Variants in GMIP observed in about 807,000 individuals in gnomAD.
GMIP encodes the protein GEM interacting protein.
GMIP carries 54 observed loss-of-function variants against 105.3 expected under a neutral mutation model. The observed-to-expected ratio is 0.51, with a 90% CI of 0.41 to 0.64. The LOEUF is 0.64. Among genes scored for constraint, GMIP ranks in the 30% least tolerant of loss-of-function variants. The pLI is 0.00. For synonymous variants in GMIP, 541 were observed against 560.8 expected, an observed-to-expected ratio of 0.96 and a Z score of 0.50; for missense variants, 1,110 against 1,319.4, an observed-to-expected ratio of 0.84 and a Z score of 2.46.
In GMIP at chr19:19,638,001, C is replaced by G. The variant is rs2061874057; in HGVS notation, c.846G>C (p.Gln282His). 10 of 1,610,214 alleles carry G rather than the reference C, an allele frequency of 6.2e-6. No individual in the cohort carries two copies. The highest frequency in any genetic ancestry group is 8.5e-6 in the Non-Finnish European group (10 of 1,178,912). The change falls in exon 10 of 21, where the codon CAG (glutamine) becomes CAC (histidine). Residue 282 changes from glutamine to histidine, a missense_variant. By Grantham distance (24) the Gln-to-His change is conservative. Coordinates refer to ENST00000203556, the MANE Select transcript of GMIP (RefSeq NM_016573.4). ...QACVREANAR[Q>H]QDLEIAKQRI... ...GCTGCTTGGCGATCTCCAGGTCCTG[C>G]TGCCGCGCGTTGGCCTCGCGGACAC...
chr19:19,632,107 A>G (rs1279129392), intron 19 of GMIP, among the ~76,000 whole-genome samples: 2 of 150,882 alleles, frequency 1.3e-5, no homozygotes, highest in African/African-American at 2.4e-5. Context: ...CCTGACCAAC[A>G]TGGAGAAACC....
intron 3 of GMIP, 49 bp from the exon 4 acceptor site, chr19:19,641,916 G>A: frequency 1.9e-6 from 3 of 1,595,402 alleles, no homozygotes; most frequent in Non-Finnish European, 2.6e-6. Context: ...CAGGGGCCTG[G>A]CCTTCCTAAG....
rs541415244 is a variant in GMIP at position 19,631,822 on chromosome 19, C to T, written c.2473-1285G>A. 2.6e-5 allele frequency among the ~76,000 whole-genome samples: 4 copies of T among 151,438 alleles called. No homozygotes were observed. In the East Asian group the frequency reaches 5.8e-4, roughly 22 times the overall value. ...CTAACACGGTGAAACCCCGTCTCTA[C>T]TAAAAATACAAAAAAATTAGCCGGG... On this transcript the variant is annotated intron_variant, in intron 19 of 20. Coordinates refer to ENST00000203556, the MANE Select transcript of GMIP (RefSeq NM_016573.4).
chr19:19,630,234 GT>G lies in GMIP; in HGVS notation c.2641del (p.Thr881ProfsTer148). 6.3e-7 allele frequency: 1 copy of G among 1,586,458 alleles called. No homozygotes were observed. Among genetic ancestry groups the G allele is most frequent in the South Asian group, 1.1e-5 (1 of 88,132 alleles). On this transcript the variant is annotated frameshift_variant, in exon 21 of 21. Coordinates refer to ENST00000203556, the MANE Select transcript of GMIP (RefSeq NM_016573.4). LOFTEE classifies it high-confidence loss of function. This position sits in a 1 kb window ranked among gnomAD's most constrained non-coding sequence, Gnocchi z 4.8. ...KYPRGGVRPV[T>X]HQLSSLALVA... ...CAGGGCCAGACTGGACAGCTGGTGG[GT>G]TACAGGCCTCACACCGCCCCGGGGA...
At position 19,636,774 on chromosome 19, in the gene GMIP, G is replaced by T. The variant is rs755430246; in HGVS notation, c.1260C>A (p.Gly420=). The T allele has an allele frequency of 3.1e-6, 5 of 1,612,610 alleles. No individual in the cohort carries two copies. In the African/African-American group the frequency reaches 6.7e-5, roughly 22 times the overall value. ...CGCCACCCACGCTGTCCACATCGCT[G>T]CCCGGAGTGGGGCCTGGAGTCCCTA... ...RWQGTPGPTP[G]SDVDSVGGGS... Residue 420 remains glycine, a synonymous_variant, in exon 13 of 21, where the codon GGC becomes GGA. Coordinates refer to ENST00000203556, the MANE Select transcript of GMIP (RefSeq NM_016573.4).
At position 19,630,404 on chromosome 19, in the gene GMIP, C is replaced by G; in HGVS notation, c.2539+67G>C. On this transcript the variant is annotated intron_variant, in intron 20 of 20. Coordinates refer to ENST00000203556, the MANE Select transcript of GMIP (RefSeq NM_016573.4). This position sits in a 1 kb window ranked among gnomAD's most constrained non-coding sequence, Gnocchi z 4.8. ...CTCTGTATATCCCCCCAGGAGTCATCTTTTAGCAAGCCACCCTGGGGCCAG... is the reference window on the plus strand; with the variant it reads ...CTCTGTATATCCCCCCAGGAGTCATGTTTTAGCAAGCCACCCTGGGGCCAG... 1 of 1,593,830 alleles carries G rather than the reference C, an allele frequency of 6.3e-7. No homozygotes were observed. Among genetic ancestry groups the G allele is most frequent in the Non-Finnish European group, 8.5e-7 (1 of 1,170,366 alleles).
Position 19,635,027 on chromosome 19 carries a change from G to A in GMIP, c.1747C>T (p.Gln583Ter). The A allele has an allele frequency of 6.2e-7, 1 of 1,613,742 alleles. No homozygotes were observed. Among genetic ancestry groups the A allele is most frequent in the Non-Finnish European group, 8.5e-7 (1 of 1,179,806 alleles). Residue 583 changes from glutamine (Q) to a stop codon, truncating the protein, a stop_gained and splice_region_variant, in exon 16 of 21, where the codon CAG becomes TAG. Coordinates refer to ENST00000203556, the MANE Select transcript of GMIP (RefSeq NM_016573.4). LOFTEE classifies it high-confidence loss of function. The surrounding 1 kb of genome is among the most constrained non-coding windows in gnomAD (Gnocchi z 4.7). ...AEIEHRALDVQGIYRVSGSRV... is the reference protein window; with the variant it reads ...AEIEHRALDV ...ATGATGAAGGGTCAGGGCAGCACCT[G>A]CACATCCAGGGCACGGTGTTCTATC...
At position 19,634,844 on chromosome 19, in the gene GMIP, G is replaced by A. The variant is rs779418964; in HGVS notation, c.1835C>T (p.Ser612Leu). ...FENGRALVEL[S>L]GNSPHDVSSV... ...CGAGACGTCATGAGGCGAGTTCCCC[G>A]ACAGCTCCACCAACGCTCGGCCATT... The change falls in exon 17 of 21, where the codon TCG becomes TTG. Residue 612 changes from serine to leucine, a missense_variant. Physicochemically the swap from Ser to Leu is moderately radical, Grantham distance 145 (BLOSUM62 -2). This residue lies in a region of GMIP where 49 missense variants were observed against 95.6 expected (regional missense o/e 0.51). Transcript: ENST00000203556. This position sits in a 1 kb window ranked among gnomAD's most constrained non-coding sequence, Gnocchi z 6.1. 8 of 1,613,814 alleles carry A rather than the reference G, an allele frequency of 5.0e-6. No individual in the cohort carries two copies. The highest frequency in any genetic ancestry group is 2.2e-5 in the East Asian group (1 of 44,892).
In GMIP at chr19:19,642,526, C is replaced by T; in HGVS notation, c.104+9G>A. 1 of 1,582,246 alleles carries T rather than the reference C, an allele frequency of 6.3e-7. No homozygotes were observed. Among genetic ancestry groups the T allele is most frequent in the Non-Finnish European group, 8.7e-7 (1 of 1,151,580 alleles). Reference sequence around the variant, plus strand: ...GCAGGATTTGGGGGTGATCCAGGCTCAGACTCACACGTTCCCCAGTGAGAT... The same window carrying T: ...GCAGGATTTGGGGGTGATCCAGGCTTAGACTCACACGTTCCCCAGTGAGAT... On this transcript the variant is annotated intron_variant, in intron 2 of 20. Transcript: ENST00000203556.
chr19:19,630,434 C>A lies in GMIP; in HGVS notation c.2539+37G>T. ...AGCAAGCCACCCTGGGGCCAGGGCACCCCCAGAACTCCTGAGCCTCTCTCT... is the reference window on the plus strand; with the variant it reads ...AGCAAGCCACCCTGGGGCCAGGGCAACCCCAGAACTCCTGAGCCTCTCTCT... On this transcript the variant is annotated intron_variant, in intron 20 of 20. Transcript: ENST00000203556. This position sits in a 1 kb window ranked among gnomAD's most constrained non-coding sequence, Gnocchi z 4.8. 6.2e-7 allele frequency: 1 copy of A among 1,607,264 alleles called. No individual in the cohort carries two copies. Among genetic ancestry groups the A allele is most frequent in the Non-Finnish European group, 8.5e-7 (1 of 1,174,888 alleles).
chr19:19,630,124 C>A lies in GMIP; in HGVS notation c.2752G>T (p.Ala918Ser). Residue 918 changes from alanine to serine, a missense_variant, in exon 21 of 21, where the codon GCC (alanine) becomes TCC (serine). Around this residue, in one of 3 missense-constraint regions of GMIP, gnomAD observed 394 missense variants for 450.5 expected, o/e 0.87. Coordinates refer to ENST00000203556, the MANE Select transcript of GMIP (RefSeq NM_016573.4). This position sits in a 1 kb window ranked among gnomAD's most constrained non-coding sequence, Gnocchi z 4.8. The part of the protein sequence containing the change: ...LRGRGPSPAA[A>S]SPEGSPLRRT... ...CGCAGGGGGCTGCCCTCAGGGGAGG[C>A]AGCTGCAGGGCTGGGCCCCCGCCCC... is the stretch of plus-strand genomic sequence containing the variant. 1 of 1,607,070 alleles carries A rather than the reference C, an allele frequency of 6.2e-7. No individual in the cohort carries two copies. Among genetic ancestry groups the A allele is most frequent in the South Asian group, 1.1e-5 (1 of 90,432 alleles).
Position 19,637,320 on chromosome 19 carries a change from C to A in GMIP, c.1124+45G>T. ...GCCTGCGGTGCCAACAGCCTGGCAT[C>A]GCGATTCCGGGGCTCGTTCCCGACT... On this transcript the variant is annotated intron_variant, in intron 11 of 20. Coordinates refer to ENST00000203556, the MANE Select transcript of GMIP (RefSeq NM_016573.4). The surrounding 1 kb of genome is among the most constrained non-coding windows in gnomAD (Gnocchi z 6.7). 1 of 1,309,214 alleles carries A rather than the reference C, an allele frequency of 7.6e-7. No homozygotes were observed. The highest frequency in any genetic ancestry group is 2.5e-5 in the Admixed American group (1 of 39,316). The allele number at this position is 1,309,214 out of a possible 1,614,324, so 81.1% of individuals were successfully genotyped here.
In GMIP at chr19:19,637,100, G is replaced by A; in HGVS notation, c.1125-71C>T. 1 of 1,019,604 alleles carries A rather than the reference G, an allele frequency of 9.8e-7. No individual in the cohort carries two copies. Among genetic ancestry groups the A allele is most frequent in the Non-Finnish European group, 1.5e-6 (1 of 672,926 alleles). 63.2% of individuals were successfully genotyped at this position (1,019,604 alleles called of 1,614,324 possible). ...TGGGGTGATGGCACCCAGGCATCAT[G>A]TCTAGGTACCAACTCCAAGCACTTG... On this transcript the variant is annotated intron_variant, in intron 11 of 20. Coordinates refer to ENST00000203556, the MANE Select transcript of GMIP (RefSeq NM_016573.4). The surrounding 1 kb of genome is among the most constrained non-coding windows in gnomAD (Gnocchi z 6.7).
chr19:19,638,122 G>T, intron 9 of GMIP, 37 bp downstream of exon 9: 1 of 1,562,152 alleles, frequency 6.4e-7, no homozygotes. Flanking sequence ...GGCAGGGGGC[G>T]CCACAGCGCT....
At position 19,634,988 on chromosome 19, in the gene GMIP, G is replaced by T. The variant is rs1256094978; in HGVS notation, c.1749+37C>A. ...TCGTGATAGGCCATCGATTCGGTCA[G>T]GTCACTTCTGGGGATGATGAAGGGT... On this transcript the variant is annotated intron_variant, in intron 16 of 20. Transcript: ENST00000203556. This position sits in a 1 kb window ranked among gnomAD's most constrained non-coding sequence, Gnocchi z 6.1. 1.9e-6 allele frequency: 3 copies of T among 1,613,122 alleles called. No individual in the cohort carries two copies. In the Admixed American group the frequency reaches 5.0e-5, roughly 27 times the overall value.
At position 19,634,423 on chromosome 19, in the gene GMIP, A is replaced by G. The variant is rs529092664; in HGVS notation, c.2084+84T>C. 8.3e-7 allele frequency: 1 copy of G among 1,205,636 alleles called. No individual in the cohort carries two copies. The highest frequency in any genetic ancestry group is 1.2e-6 in the Non-Finnish European group (1 of 833,150). The allele number at this position is 1,205,636 out of a possible 1,614,324, so 74.7% of individuals were successfully genotyped here. A position where few individuals can be genotyped will look rare whatever the true frequency, so the allele number is the denominator to read the frequency against. On this transcript the variant is annotated intron_variant, in intron 18 of 20. Coordinates refer to ENST00000203556, the MANE Select transcript of GMIP (RefSeq NM_016573.4). The surrounding 1 kb of genome is among the most constrained non-coding windows in gnomAD (Gnocchi z 6.1). ...AAACACAGGTCAAAGGTCAGAGGTC[A>G]GTGTCAGGGGTCAGCCAGGGAAGTT...
Position 19,638,046 on chromosome 19 carries a change from G to C in GMIP, c.801C>G (p.Ala267=), listed in dbSNP as rs924548651. 3.2e-6 allele frequency: 5 copies of C among 1,572,188 alleles called. No individual in the cohort carries two copies. The highest frequency in any genetic ancestry group is 4.3e-6 in the Non-Finnish European group (5 of 1,160,580). The stretch of plus-strand genomic sequence containing the variant: ...GGACACAGGCCTGGTACAGCGCCTC[G>C]GCCTCCTGCGCCTGGGGAAACGGGA... ...REEAQAKAQE[A]EALYQACVRE... The change falls in exon 10 of 21, where the codon GCC becomes GCG. Residue 267 remains alanine (A), a synonymous_variant. Coordinates refer to ENST00000203556, the MANE Select transcript of GMIP (RefSeq NM_016573.4).
chr19:19,632,338 G>A (rs1339053741), intron 19 of GMIP, among the ~76,000 whole-genome samples: 9 of 152,010 alleles, frequency 5.9e-5, no homozygotes, highest in Admixed American at 5.9e-4. Flanking sequence ...GGTGGCTCAC[G>A]CCTATAATCC....
chr19:19,635,327 C>A lies in GMIP; in HGVS notation c.1560+88G>T. 1 of 1,550,056 alleles carries A rather than the reference C, an allele frequency of 6.5e-7. No homozygotes were observed. The highest frequency in any genetic ancestry group is 8.8e-7 in the Non-Finnish European group (1 of 1,135,100). ...TGGGAGACATCAGGTTAGGGTGGGT[C>A]CCAGGGGCAGAAAGGCTGTAGGAAT... On this transcript the variant is annotated intron_variant, in intron 15 of 20. Transcript: ENST00000203556. The surrounding 1 kb of genome is among the most constrained non-coding windows in gnomAD (Gnocchi z 4.7).
Sources: gnomAD v4.1 joint callset for allele counts (sites outside exome capture counted in the v4.1 genomes callset) on GRCh38, gnomAD v4.1.1 for gene constraint, gnomAD v4.1.1 regional missense constraint, Gnocchi (gnomAD v3.1) non-coding constraint, MANE v1.5 for transcripts, NCBI Gene and HGNC (gene_info 2026-07-23, HGNC 2026-07-21) for gene names.